The following TAF6 variants were observed in gnomAD, a reference collection of about 807,000 sequenced individuals.
The protein encoded by TAF6 is TATA-box binding protein associated factor 6, also known as transcription initiation factor TFIID subunit 6.
A neutral mutation model predicts 73.5 loss-of-function variants in TAF6; 50 were observed. That is an observed-to-expected ratio of 0.68 (90% CI 0.54 to 0.86). The LOEUF (loss-of-function observed/expected upper bound fraction) is 0.86, where lower values mean the gene tolerates loss of function less well. TAF6 is among the 40% of genes least tolerant of loss of function. The probability of loss-of-function intolerance (pLI) is 0.00; values close to 1 mark genes in which losing one functional copy is unlikely to be tolerated. For missense variants in TAF6, 768 were observed against 899.5 expected, an observed-to-expected ratio of 0.85 and a Z score of 1.87; for synonymous variants, 424 against 376.7, an observed-to-expected ratio of 1.13 and a Z score of -1.45.
At chr7:100,124,929 G>A in the TAF6 span, 3 of 1,547,492 alleles carry the variant, frequency 1.9e-6, no homozygotes, top group Non-Finnish European at 2.6e-6. Flanking sequence ...GGATCATGGA[G>A]AGCCCTCTAA....
upstream of TAF6, chr7:100,124,564 C>T (rs754277562): frequency 8.1e-6 from 13 of 1,612,976 alleles, no homozygotes; most frequent in Non-Finnish European, 1.1e-5. Flanking sequence ...ACTGGTACTT[C>T]CACCATCAGG....
At chr7:100,107,666 C>G in intron 14 of TAF6, 43 bp from the exon 15 acceptor site, 1 of 1,595,852 alleles carries the variant, frequency 6.3e-7, no homozygotes, top group Non-Finnish European at 8.5e-7. Context: ...TGTGCCCTCC[C>G]TGCCCCCCAG....
At position 100,119,314 on chromosome 7, in the gene TAF6, C is replaced by G. The variant is rs996725650; in HGVS notation, c.-170G>C. 7 of 1,029,246 alleles carry G rather than the reference C, an allele frequency of 6.8e-6. No homozygotes were observed. The highest frequency in any genetic ancestry group is 3.5e-5 in the African/African-American group (2 of 57,578). The allele number at this position is 1,029,246 out of a possible 1,614,324, so 63.8% of individuals were successfully genotyped here. On this transcript the variant is annotated 5_prime_UTR_variant, in exon 1 of 15. Coordinates refer to ENST00000453269, the MANE Select transcript of TAF6 (RefSeq NM_139315.3). ...GGAGCAGGAAAACTCTAGCGGCAGC[C>G]GAGACGCTGCTCACCCGGCGCTCGG...
chr7:100,115,704 G>A (rs1797616244), intron 1 of TAF6: 1 of 151,814 alleles, frequency 6.6e-6, no homozygotes. Flanking sequence ...CGGGCGCGTT[G>A]GCTCACACCT....
chr7:100,108,627 C>A (rs926724129), intron 12 of TAF6, 87 bp from the exon 13 acceptor site: 1 of 1,441,348 alleles, frequency 6.9e-7, no homozygotes, highest in Non-Finnish European at 9.3e-7. Context: ...TTGAGAAGAA[C>A]CTTGGGGATG....
intron 14 of TAF6, 119 bp from the exon 15 acceptor site, chr7:100,107,742 G>C: frequency 6.8e-7 from 1 of 1,461,786 alleles, no homozygotes; most frequent in Non-Finnish European, 9.1e-7. Flanking sequence ...TCACCCTGTA[G>C]ACAGCTATGG....
At chr7:100,123,784 T>C (rs1798144731), upstream of TAF6, among the ~76,000 whole-genome samples, 2 of 152,152 alleles carry the variant, frequency 1.3e-5, no homozygotes, top group Non-Finnish European at 2.9e-5. Flanking sequence ...CCTCCCAAAG[T>C]GCTGGGATTA....
intron 12 of TAF6, among the ~76,000 whole-genome samples, 163 bp downstream of exon 12, chr7:100,109,781 TACTC>T (rs976550751): frequency 1.3e-5 from 2 of 152,132 alleles, no homozygotes; most frequent in African/African-American, 4.8e-5. Flanking sequence ...CCTTATTTCT[TACTC>T]AGTCTAATCT....
At chr7:100,113,051 G>A (rs1480822399) in intron 5 of TAF6, 134 bp from the exon 6 acceptor site, 1 of 1,311,230 alleles carries the variant, frequency 7.6e-7, no homozygotes, top group Admixed American at 2.3e-5. Flanking sequence ...GATCACCTCA[G>A]GTCAGAAGTT....
In TAF6 at chr7:100,108,042, C is replaced by T. The variant is rs374442273; in HGVS notation, c.1540G>A (p.Ala514Thr). ...GACACCAGTGTCTGGACAGGAAGTG[C>T]GATGGAGCCAGGAACCTTCAGCAAG... ...PGLLKVPGSIALPVQTLVSAR... is the reference protein window; with the variant it reads ...PGLLKVPGSITLPVQTLVSAR... Residue 514 changes from alanine to threonine, a missense_variant, in exon 14 of 15, where the codon GCA (alanine) becomes ACA (threonine). This residue lies in a region of TAF6 where 350 missense variants were observed against 352.3 expected (regional missense o/e 0.99). Coordinates refer to ENST00000453269, the MANE Select transcript of TAF6 (RefSeq NM_139315.3). 38 of 1,613,342 alleles carry T rather than the reference C, an allele frequency of 2.4e-5. No individual in the cohort carries two copies. The highest frequency in any genetic ancestry group is 1.1e-4 in the African/African-American group (8 of 74,882).
intron 12 of TAF6, chr7:100,108,809 T>G (rs1179057030): frequency 3.2e-6 from 1 of 313,910 alleles, no homozygotes; most frequent in Non-Finnish European, 5.8e-6. Flanking sequence ...CTGAGGTGGG[T>G]GGATCACTTG....
At chr7:100,122,235 C>A (rs762000342), upstream of TAF6, 127 of 1,613,468 alleles carry the variant, frequency 7.9e-5, 2 homozygotes, top group South Asian at 1.0e-3. Flanking sequence ...TTACCTCCCC[C>A]CGGACGTTTC....
Position 100,112,008 on chromosome 7 carries a change from G to A in TAF6, c.721-9C>T, listed in dbSNP as rs1227297476. The A allele has an allele frequency of 1.2e-6, 2 of 1,613,902 alleles. No individual in the cohort carries two copies. Among genetic ancestry groups the A allele is most frequent in the African/African-American group, 2.7e-5 (2 of 74,922 alleles). On this transcript the variant is annotated splice_polypyrimidine_tract_variant and intron_variant, in intron 7 of 14. Transcript: ENST00000453269. ...ATGCTTTGCAGGGCTTCCTGTGGGA[G>A]GAGGGAAGCCAGTCAGGTGGGGGTG...
upstream of TAF6, chr7:100,124,832 G>C (rs1352882825): frequency 6.2e-7 from 1 of 1,611,030 alleles, no homozygotes; most frequent in African/African-American, 1.3e-5. Flanking sequence ...AGAGGAAGGG[G>C]GAGACAAGAT....
the TAF6 span, chr7:100,127,063 A>G: frequency 2.2e-5 from 7 of 324,648 alleles, no homozygotes; most frequent in East Asian, 1.2e-4. The surrounding 1 kb of genome is among the most constrained non-coding windows in gnomAD (Gnocchi z 4.6). Context: ...CAGAGGCCCA[A>G]GGTAGAGCGC....
chr7:100,112,217 G>C lies in TAF6; in HGVS notation c.611C>G (p.Ala204Gly). 1 of 1,614,138 alleles carries C rather than the reference G, an allele frequency of 6.2e-7. No individual in the cohort carries two copies. The highest frequency in any genetic ancestry group is 8.5e-7 in the Non-Finnish European group (1 of 1,180,006). ...EKKAPPLLEG[A>G]PLRLKPRSIH... ...GCTCCGGGGCTTCAGTCGCAAGGGG[G>C]CCCCCTCCAGCAAGGGCGGCGCCTT... Residue 204 changes from alanine to glycine, a missense_variant, in exon 7 of 15, where the codon GCC (alanine) becomes GGC (glycine). Coordinates refer to ENST00000453269, the MANE Select transcript of TAF6 (RefSeq NM_139315.3).
upstream of TAF6, chr7:100,122,506 G>A: frequency 6.2e-7 from 1 of 1,614,032 alleles, no homozygotes; most frequent in Admixed American, 1.7e-5. Flanking sequence ...AGAGGCCTTA[G>A]AGAATTTATG....
At chr7:100,125,434 C>T in the TAF6 span, 1 of 153,002 alleles carries the variant, frequency 6.5e-6, no homozygotes, top group Non-Finnish European at 1.5e-5. Context: ...CAATGTAACC[C>T]AGAGCCCACC....
intron 6 of TAF6, among the ~76,000 whole-genome samples, chr7:100,112,465 C>T (rs900256805): frequency 1.3e-5 from 2 of 152,196 alleles, no homozygotes; most frequent in African/African-American, 2.4e-5. Flanking sequence ...GTAATCCCAG[C>T]ACTTTGGGAG....
Sources: gnomAD v4.1 joint callset for allele counts (sites outside exome capture counted in the v4.1 genomes callset) on GRCh38, gnomAD v4.1.1 for gene constraint, gnomAD v4.1.1 regional missense constraint, Gnocchi (gnomAD v3.1) non-coding constraint, MANE v1.5 for transcripts, NCBI Gene and HGNC (gene_info 2026-07-23, HGNC 2026-07-21) for gene names.